Variants in CNTLN observed in about 807,000 individuals in gnomAD.
CNTLN encodes centlein, centrosomal protein.
A neutral mutation model predicts 180.0 loss-of-function variants in CNTLN; 212 were observed. The observed-to-expected ratio is 1.18, with a 90% CI of 1.05 to 1.32. CNTLN has a LOEUF of 1.32. Among genes scored for constraint, CNTLN ranks in the 40% most tolerant of loss-of-function variants. CNTLN has a pLI of 0.00. For synonymous variants in CNTLN, 722 were observed against 563.1 expected (o/e 1.28, Z -3.99); for missense variants, 2,095 against 1,610.9 (o/e 1.30, Z -5.14).
chr9:17,354,693 A>C (rs1587748189), intron 12 of CNTLN, among the ~76,000 whole-genome samples: 1 of 152,084 alleles, frequency 6.6e-6, no homozygotes, highest in South Asian at 2.1e-4. Context: ...AAAAGAGGCC[A>C]CTTGGCTCTA....
chr9:17,248,079 C>T (rs1034153800), intron 5 of CNTLN, among the ~76,000 whole-genome samples: 7 of 152,170 alleles, frequency 4.6e-5, no homozygotes, highest in Non-Finnish European at 8.8e-5. Flanking sequence ...CTACCTCAAC[C>T]TCCCAAAATG....
At chr9:17,301,073 A>T (rs1045345576) in intron 7 of CNTLN, 2 of 985,310 alleles carry the variant, frequency 2.0e-6, no homozygotes, top group East Asian at 2.3e-4. Flanking sequence ...ACTAAGGATA[A>T]AGAAAGCTCT....
At chr9:17,256,193 A>G (rs1226707220) in intron 5 of CNTLN, among the ~76,000 whole-genome samples, 1 of 151,912 alleles carries the variant, frequency 6.6e-6, no homozygotes, top group African/African-American at 2.4e-5. Flanking sequence ...TGTCTTTGCT[A>G]TTCTGTTGTG....
At chr9:17,311,295 G>T (rs557530490) in intron 8 of CNTLN, among the ~76,000 whole-genome samples, 1 of 151,978 alleles carries the variant, frequency 6.6e-6, no homozygotes, top group Non-Finnish European at 1.5e-5. Context: ...AAAGTGCTGG[G>T]ATTACAGGCA....
chr9:17,354,052 C>T (rs763131529), intron 12 of CNTLN, among the ~76,000 whole-genome samples: 4 of 152,236 alleles, frequency 2.6e-5, no homozygotes, highest in South Asian at 2.1e-4. Context: ...CCTGCCGGCC[C>T]CAGGCAATGA....
intron 5 of CNTLN, among the ~76,000 whole-genome samples, chr9:17,272,481 C>G (rs1402342177): frequency 6.6e-6 from 1 of 152,076 alleles, no homozygotes; most frequent in African/African-American, 2.4e-5. Context: ...TATTTCTACC[C>G]TGGTGTTCGT....
intron 18 of CNTLN, among the ~76,000 whole-genome samples, chr9:17,457,173 T>G (rs1227766806): frequency 2.0e-5 from 3 of 152,132 alleles, no homozygotes; most frequent in Non-Finnish European, 2.9e-5. Context: ...CAGCTTGGCT[T>G]TTCCCAGTTA....
chr9:17,208,462 T>C (rs1823072640), intron 2 of CNTLN, among the ~76,000 whole-genome samples: 1 of 152,208 alleles, frequency 6.6e-6, no homozygotes, highest in Non-Finnish European at 1.5e-5. Flanking sequence ...CTGGTTTTGG[T>C]ATCAGGGTAA....
At chr9:17,518,672 G>A in the CNTLN span, among the ~76,000 whole-genome samples, 1 of 152,204 alleles carries the variant, frequency 6.6e-6, no homozygotes, top group South Asian at 2.1e-4. Flanking sequence ...GAAGTGGAGT[G>A]AGGCCCTGTG....
chr9:17,518,735 T>C, the CNTLN span, among the ~76,000 whole-genome samples: 4 of 152,160 alleles, frequency 2.6e-5, no homozygotes, highest in African/African-American at 9.7e-5. Context: ...CACCTTCCAG[T>C]AGAAGCTTTG....
chr9:17,244,054 A>G (rs963143725), intron 5 of CNTLN, among the ~76,000 whole-genome samples: 3 of 152,124 alleles, frequency 2.0e-5, no homozygotes, highest in African/African-American at 7.2e-5. Context: ...TTATCATTAT[A>G]TAATGATCTT....
At chr9:17,363,927 G>T (rs1376226158) in intron 12 of CNTLN, among the ~76,000 whole-genome samples, 3 of 152,056 alleles carry the variant, frequency 2.0e-5, no homozygotes, top group Admixed American at 6.6e-5. Flanking sequence ...GCATGTGAAA[G>T]ATATTAATTA....
intron 13 of CNTLN, among the ~76,000 whole-genome samples, chr9:17,382,529 C>T (rs1374824220): frequency 2.6e-5 from 4 of 152,176 alleles, no homozygotes. Flanking sequence ...ATATTTACTT[C>T]TTGGAATGAT....
intron 2 of CNTLN, among the ~76,000 whole-genome samples, chr9:17,179,865 G>A (rs917112960): frequency 2.6e-5 from 4 of 151,830 alleles, no homozygotes; most frequent in Non-Finnish European, 5.9e-5. Flanking sequence ...AAGTTGGTAC[G>A]TACACATTTA....
At chr9:17,308,970 A>G (rs1467686928) in intron 7 of CNTLN, 88 bp from the exon 8 acceptor site, 2 of 800,148 alleles carry the variant, frequency 2.5e-6, no homozygotes, top group African/African-American at 3.5e-5. Context: ...TACAGTTCAT[A>G]TGTATATATA....
chr9:17,421,932 C>A (rs1317488365), intron 18 of CNTLN, among the ~76,000 whole-genome samples: 2 of 152,128 alleles, frequency 1.3e-5, no homozygotes, highest in African/African-American at 4.8e-5. Flanking sequence ...GTTTACACAT[C>A]ACAATTACAC....
At chr9:17,408,973 G>T (rs886446671) in intron 15 of CNTLN, among the ~76,000 whole-genome samples, 3 of 152,178 alleles carry the variant, frequency 2.0e-5, no homozygotes, top group Non-Finnish European at 4.4e-5. Context: ...TTCTGGCCTT[G>T]TTGGGAAAGT....
At chr9:17,337,160 GT>G in intron 10 of CNTLN, among the ~76,000 whole-genome samples, 1 of 152,034 alleles carries the variant, frequency 6.6e-6, no homozygotes, top group East Asian at 1.9e-4. Flanking sequence ...GGGGTTGTTT[GT>G]TTTTTTCTTG....
chr9:17,524,382 G>C, the CNTLN span, among the ~76,000 whole-genome samples: 2 of 152,224 alleles, frequency 1.3e-5, no homozygotes, highest in South Asian at 4.1e-4. Flanking sequence ...GCTCAAGGCT[G>C]TCAGTCAGTG....
Sources: gnomAD v4.1 joint callset for allele counts (sites outside exome capture counted in the v4.1 genomes callset) on GRCh38, gnomAD v4.1.1 for gene constraint, MANE v1.5 for transcripts, NCBI Gene and HGNC (gene_info 2026-07-23, HGNC 2026-07-21) for gene names.